Variants in SLC34A3 observed in about 807,000 individuals in gnomAD.
SLC34A3 encodes solute carrier family 34 member 3.
A neutral mutation model predicts 43.9 loss-of-function variants in SLC34A3; 60 were observed. The ratio of observed to expected loss-of-function variants is 1.37; its 90% CI spans 1.11 to 1.70. The LOEUF is 1.70. Ranked by LOEUF, SLC34A3 falls within the 40% of genes most tolerant of loss-of-function variation. SLC34A3 has a pLI of 0.00. For missense variants in SLC34A3, 969 were observed against 823.8 expected, an observed-to-expected ratio of 1.18 and a Z score of -2.16; for synonymous variants, 451 against 386.2, an observed-to-expected ratio of 1.17 and a Z score of -1.97.
In SLC34A3 at chr9:137,234,632, G is replaced by C; in HGVS notation, c.1236G>C (p.Arg412=). 1 of 1,612,480 alleles carries C rather than the reference G, an allele frequency of 6.2e-7. No homozygotes were observed. The highest frequency in any genetic ancestry group is 8.5e-7 in the Non-Finnish European group (1 of 1,179,870). ...GGGTCGGGGTGATCAGTCTGGACCG[G>C]GCGTACCCCCTCTTACTGGGCTCCA... ...LMGVGVISLD[R]AYPLLLGSNI... Residue 412 remains arginine, a synonymous_variant, in exon 12 of 13, where the codon CGG becomes CGC. Coordinates refer to ENST00000673835, the MANE Select transcript of SLC34A3 (RefSeq NM_001177316.2). This position sits in a 1 kb window ranked among gnomAD's most constrained non-coding sequence, Gnocchi z 6.9.
chr9:137,233,779 T>TTTGGGG, intron 8 of SLC34A3, 57 bp downstream of exon 8: 4 of 1,445,790 alleles, frequency 2.8e-6, no homozygotes, highest in Non-Finnish European at 3.8e-6. Flanking sequence ...TGCTGAGTCA[T>TTTGGGG]CCCGCCCCAC....
chr9:137,236,462 GCTC>G lies in SLC34A3; in HGVS notation c.*47_*49del. 2 of 1,489,812 alleles carry G rather than the reference GCTC, an allele frequency of 1.3e-6. No homozygotes were observed. The highest frequency in any genetic ancestry group is 1.8e-6 in the Non-Finnish European group (2 of 1,105,620). The allele number at this position is 1,489,812 out of a possible 1,614,324, so 92.3% of individuals were successfully genotyped here. A position where few individuals can be genotyped will look rare whatever the true frequency, so the allele number is the denominator to read the frequency against. The stretch of plus-strand genomic sequence containing the variant: ...CGCCCCACCCTCCCCGGCTGGGAGG[GCTC>G]TGGAGGGCCCTGGAGGGGGGGTCCC... On this transcript the variant is annotated 3_prime_UTR_variant, in exon 13 of 13. Coordinates refer to ENST00000673835, the MANE Select transcript of SLC34A3 (RefSeq NM_001177316.2).
rs776731057 is a variant in SLC34A3 at position 137,236,136 on chromosome 9, C to T, written c.1520C>T (p.Ser507Phe). The T allele has an allele frequency of 3.7e-6, 6 of 1,610,952 alleles. No homozygotes were observed. The highest frequency in any genetic ancestry group is 3.3e-5 in the South Asian group (3 of 91,030). The change falls in exon 13 of 13, where the codon TCC (serine) becomes TTC (phenylalanine). Residue 507 changes from serine (S) to phenylalanine (F), a missense_variant. Physicochemically the swap from Ser to Phe is radical, Grantham distance 155 (BLOSUM62 -2). Coordinates refer to ENST00000673835, the MANE Select transcript of SLC34A3 (RefSeq NM_001177316.2). ...LLLPLAAFGLSLAGGMELAAV... is the reference protein window; with the variant it reads ...LLLPLAAFGLFLAGGMELAAV... ...CTGCCCCTGGCGGCCTTCGGGCTCT[C>T]CCTGGCAGGGGGCATGGAGCTGGCC...
chr9:137,235,926 G>GCCCCTGACAGC, intron 12 of SLC34A3, 26 bp from the exon 13 acceptor site: 22 of 1,607,702 alleles, frequency 1.4e-5, no homozygotes, highest in Non-Finnish European at 1.9e-5. Context: ...TTGGGCCCAG[G>GCCCCTGACAGC]CCCCTGACAG....
chr9:137,233,301 G>T lies in SLC34A3; in HGVS notation c.653G>T (p.Arg218Met). 6.3e-7 allele frequency: 1 copy of T among 1,595,708 alleles called. No homozygotes were observed. The highest frequency in any genetic ancestry group is 8.5e-7 in the Non-Finnish European group (1 of 1,171,726). ...PLESATALLE[R>M]LSELALGAAS... ...GAGAGCGCCACGGCCCTGCTGGAGAGGCTAAGTGAGCTAGCCCTGGGTGCC... is the reference window on the plus strand; with the variant it reads ...GAGAGCGCCACGGCCCTGCTGGAGATGCTAAGTGAGCTAGCCCTGGGTGCC... Residue 218 changes from arginine (R) to methionine (M), a missense_variant, in exon 7 of 13, where the codon AGG becomes ATG. Physicochemically the swap from Arg to Met is moderately conservative, Grantham distance 91. Transcript: ENST00000673835.
rs746020074 is a variant in SLC34A3 at position 137,232,908 on chromosome 9, C to T, written c.429C>T (p.Val143=). The T allele has an allele frequency of 5.6e-6, 9 of 1,608,544 alleles. No homozygotes were observed. Among genetic ancestry groups the T allele is most frequent in the Middle Eastern group, 1.6e-4 (1 of 6,078 alleles). ...QSSSTSSSIV[V]SMVAAKLLTV... ...CCAGCACGTCCTCCTCCATCGTGGTCAGCATGGTGGCTGCTAAGCGTGGGT... is the reference window on the plus strand; with the variant it reads ...CCAGCACGTCCTCCTCCATCGTGGTTAGCATGGTGGCTGCTAAGCGTGGGT... Residue 143 remains valine (V), a synonymous_variant, in exon 5 of 13, where the codon GTC becomes GTT. Transcript: ENST00000673835.
At chr9:137,233,773 G>C (rs771253195) in intron 8 of SLC34A3, 51 bp downstream of exon 8, 23 of 1,545,398 alleles carry the variant, frequency 1.5e-5, no homozygotes, top group African/African-American at 1.4e-4. Context: ...CCCACCTGCT[G>C]AGTCATCCCG....
Position 137,231,464 on chromosome 9 carries a change from G to C in SLC34A3, c.-39-200G>C, listed in dbSNP as rs979546374. Among the ~76,000 whole-genome samples, 4 of 151,938 alleles carry C rather than the reference G, an allele frequency of 2.6e-5. No homozygotes were observed. In the East Asian group the frequency reaches 7.8e-4, roughly 30 times the overall value. On this transcript the variant is annotated intron_variant, in intron 1 of 12. Transcript: ENST00000673835. Reference sequence around the variant, plus strand: ...CTACCCCTGAAACTGGACTGGGCTCGCCTGACAACTGCCTGAGGTCATTGT... The same window carrying C: ...CTACCCCTGAAACTGGACTGGGCTCCCCTGACAACTGCCTGAGGTCATTGT...
In SLC34A3 at chr9:137,232,739, C is replaced by T. The variant is rs760842230; in HGVS notation, c.304+36C>T. 8.7e-6 allele frequency: 14 copies of T among 1,612,924 alleles called. 1 individual carries two copies. The South Asian group carries it at 1.5e-4, about 18-fold the overall frequency. ...GGACGGGTGCCCAGGGCGGGGCGGG[C>T]AACCAGCCCTCCGCAGCTTCAGCGC... On this transcript the variant is annotated intron_variant, in intron 4 of 12. Coordinates refer to ENST00000673835, the MANE Select transcript of SLC34A3 (RefSeq NM_001177316.2).
chr9:137,234,119 G>T lies in SLC34A3; in HGVS notation c.936G>T (p.Leu312=). 1 of 1,560,138 alleles carries T rather than the reference G, an allele frequency of 6.4e-7. No individual in the cohort carries two copies. The highest frequency in any genetic ancestry group is 1.1e-5 in the South Asian group (1 of 88,322). The change falls in exon 10 of 13, where the codon CTG becomes CTT. Residue 312 remains leucine, a synonymous_variant. Transcript: ENST00000673835. This position sits in a 1 kb window ranked among gnomAD's most constrained non-coding sequence, Gnocchi z 6.9. ...CTGCCCTGCCCCCAGGCCGCCACCT[G>T]TTTGCGGGCACGGAGCTCACGGACC... ...APADRLPCRH[L]FAGTELTDLA...
In SLC34A3 at chr9:137,232,136, G is replaced by A. The variant is rs751402893; in HGVS notation, c.150G>A (p.Leu50=). ...GDTDPWTLPQ[L]KDTSQPWKEL... is the part of the protein sequence containing the mutation. ...CAGACCCCTGGACCCTCCCTCAGCT[G>A]AAGGACACAAGCCAGCCCTGGAAAG... The change falls in exon 3 of 13, where the codon CTG becomes CTA. Residue 50 remains leucine, a synonymous_variant. Transcript: ENST00000673835. 3 of 1,613,108 alleles carry A rather than the reference G, an allele frequency of 1.9e-6. No homozygotes were observed. Among genetic ancestry groups the A allele is most frequent in the African/African-American group, 1.3e-5 (1 of 75,076 alleles).
chr9:137,233,836 G>A, intron 8 of SLC34A3, 27 bp from the exon 9 acceptor site: 2 of 1,451,084 alleles, frequency 1.4e-6, no homozygotes, highest in Non-Finnish European at 1.8e-6. Flanking sequence ...CACTGAGCCT[G>A]TCCTGAGTCC....
chr9:137,230,065 G>C (rs1836115635), upstream of SLC34A3, among the ~76,000 whole-genome samples: 1 of 152,050 alleles, frequency 6.6e-6, no homozygotes, highest in South Asian at 2.1e-4. Flanking sequence ...ACACAGCGGG[G>C]GCTGGGCAGC....
Position 137,233,904 on chromosome 9 carries a change from AGAG to A in SLC34A3, c.889_891del (p.Glu297del), listed in dbSNP as rs1836405248. 6.2e-7 allele frequency: 1 copy of A among 1,606,374 alleles called. No individual in the cohort carries two copies. On this transcript the variant is annotated inframe_deletion, in exon 9 of 13. Transcript: ENST00000673835. ...GCTGTGGCGCCTTCGGCCCGTGCAC[AGAG>A]AAGAACAGCACAGCCCCGGCGGACA...
At position 137,236,314 on chromosome 9, in the gene SLC34A3, G is replaced by A. The variant is rs764530625; in HGVS notation, c.1698G>A (p.Val566=). ...LHSLEPWDRL[V]TRCCPCNVCS... is the part of the protein sequence containing the mutation. ...CTCTGGAGCCCTGGGACCGCCTGGTGACCCGCTGCTGCCCCTGCAACGTCT... is the reference window on the plus strand; with the variant it reads ...CTCTGGAGCCCTGGGACCGCCTGGTAACCCGCTGCTGCCCCTGCAACGTCT... Residue 566 remains valine (V), a synonymous_variant, in exon 13 of 13, where the codon GTG becomes GTA. Transcript: ENST00000673835. 2 of 1,542,404 alleles carry A rather than the reference G, an allele frequency of 1.3e-6. No individual in the cohort carries two copies. Among genetic ancestry groups the A allele is most frequent in the African/African-American group, 1.4e-5 (1 of 72,862 alleles).
intron 12 of SLC34A3, among the ~76,000 whole-genome samples, chr9:137,235,632 G>C (rs1279812819): frequency 6.6e-6 from 1 of 152,184 alleles, no homozygotes; most frequent in South Asian, 2.1e-4. Flanking sequence ...CTGAGGAGAC[G>C]GGGTCTCTTG....
chr9:137,231,250 G>A (rs1298462249), intron 1 of SLC34A3, among the ~76,000 whole-genome samples: 7 of 152,222 alleles, frequency 4.6e-5, no homozygotes, highest in Admixed American at 2.6e-4. Context: ...AGGGCGTGGG[G>A]CCCTTATCAA....
intron 8 of SLC34A3, 56 bp downstream of exon 8, chr9:137,233,778 A>AACCCCCCCCCCCC: frequency 6.7e-7 from 1 of 1,485,058 alleles, no homozygotes; most frequent in Non-Finnish European, 9.3e-7. Flanking sequence ...CTGCTGAGTC[A>AACCCCCCCCCCCC]TCCCGCCCCA....
In SLC34A3 at chr9:137,232,510, G is replaced by A. The variant is rs910038231; in HGVS notation, c.176-65G>A. On this transcript the variant is annotated intron_variant, in intron 3 of 12. Coordinates refer to ENST00000673835, the MANE Select transcript of SLC34A3 (RefSeq NM_001177316.2). ...GAGGAGAGAGGGGGCAGAGAATGAG[G>A]GGCCTGGGAGGGAGACCTGTCAGGG... 53 of 1,599,416 alleles carry A rather than the reference G, an allele frequency of 3.3e-5. 1 individual carries two copies. Among genetic ancestry groups the A allele is most frequent in the Non-Finnish European group, 4.2e-5 (49 of 1,174,928 alleles).
Sources: gnomAD v4.1 joint callset for allele counts (sites outside exome capture counted in the v4.1 genomes callset) on GRCh38, gnomAD v4.1.1 for gene constraint, Gnocchi (gnomAD v3.1) non-coding constraint, MANE v1.5 for transcripts, NCBI Gene and HGNC (gene_info 2026-07-23, HGNC 2026-07-21) for gene names.